The following LDLRAD4 variants were observed in gnomAD, a reference collection of about 807,000 sequenced individuals.
LDLRAD4 encodes the protein low-density lipoprotein receptor class A domain-containing protein 4.
LDLRAD4 carries 5 observed loss-of-function variants against 17.0 expected under a neutral mutation model. The ratio of observed to expected loss-of-function variants is 0.29; its 90% CI spans 0.15 to 0.62. The LOEUF (loss-of-function observed/expected upper bound fraction) is 0.62, where lower values mean the gene tolerates loss of function less well. Ranked by LOEUF, LDLRAD4 falls within the 20% of genes least tolerant of loss-of-function variation. The probability of loss-of-function intolerance (pLI) is 0.84; values close to 1 mark genes in which losing one functional copy is unlikely to be tolerated. For missense variants in LDLRAD4, 340 were observed against 424.7 expected, an observed-to-expected ratio of 0.80 and a Z score of 1.75; for synonymous variants, 168 against 171.8, an observed-to-expected ratio of 0.98 and a Z score of 0.17.
At chr18:13,412,663 C>T (rs188968138) in intron 2 of LDLRAD4, among the ~76,000 whole-genome samples, 210 of 152,240 alleles carry the variant, frequency 1.4e-3, no homozygotes, top group African/African-American at 4.6e-3. Flanking sequence ...TATATAATTA[C>T]GGTGGTGAGA....
At chr18:13,227,385 T>C (rs2041863511) in intron 1 of LDLRAD4, among the ~76,000 whole-genome samples, 1 of 152,228 alleles carries the variant, frequency 6.6e-6, no homozygotes, top group Non-Finnish European at 1.5e-5. Flanking sequence ...TCTCTAGGGC[T>C]GGTCATGATC....
chr18:13,586,144 C>T (rs770777258), intron 3 of LDLRAD4, among the ~76,000 whole-genome samples: 8 of 151,968 alleles, frequency 5.3e-5, no homozygotes, highest in Non-Finnish European at 1.0e-4. Flanking sequence ...CATGGTGGCT[C>T]ACACCTGTAA....
intron 1 of LDLRAD4, among the ~76,000 whole-genome samples, chr18:13,278,657 G>A (rs1026584824): frequency 5.3e-5 from 8 of 152,176 alleles, no homozygotes; most frequent in African/African-American, 1.9e-4. Context: ...TAAAATATAA[G>A]GTCCATTTTT....
intron 4 of LDLRAD4, among the ~76,000 whole-genome samples, chr18:13,633,669 G>T (rs1170948862): frequency 6.6e-6 from 1 of 152,224 alleles, no homozygotes; most frequent in Non-Finnish European, 1.5e-5. Context: ...CTCAGCCTCA[G>T]CTTTGCTCCA....
chr18:13,321,034 G>C (rs2081187687), intron 1 of LDLRAD4, among the ~76,000 whole-genome samples: 1 of 152,314 alleles, frequency 6.6e-6, no homozygotes, highest in East Asian at 1.9e-4. Flanking sequence ...GGAGAGCGTA[G>C]TTGGAGATAC....
upstream of LDLRAD4, among the ~76,000 whole-genome samples, chr18:13,273,823 G>A (rs1484436326): frequency 2.0e-5 from 3 of 152,132 alleles, no homozygotes; most frequent in African/African-American, 7.2e-5. Flanking sequence ...TCCTGTCCTG[G>A]TGCAAGGGAG....
intron 3 of LDLRAD4, among the ~76,000 whole-genome samples, chr18:13,584,740 A>G (rs2094912391): frequency 6.6e-6 from 1 of 152,184 alleles, no homozygotes; most frequent in Non-Finnish European, 1.5e-5. Flanking sequence ...AAGTTGTCTG[A>G]AGATTATTCT....
At chr18:13,307,893 C>T (rs2047005881) in intron 1 of LDLRAD4, among the ~76,000 whole-genome samples, 1 of 152,192 alleles carries the variant, frequency 6.6e-6, no homozygotes, top group African/African-American at 2.4e-5. Flanking sequence ...AAAAGCTATA[C>T]TTGGATTTTT....
chr18:13,602,410 G>A (rs1383897283), intron 3 of LDLRAD4, among the ~76,000 whole-genome samples: 1 of 151,792 alleles, frequency 6.6e-6, no homozygotes, highest in Non-Finnish European at 1.5e-5. Flanking sequence ...TCCCAAAGCA[G>A]TATATTGGTT....
At chr18:13,482,074 AG>A (rs2093102207) in intron 3 of LDLRAD4, among the ~76,000 whole-genome samples, 1 of 152,052 alleles carries the variant, frequency 6.6e-6, no homozygotes, top group African/African-American at 2.4e-5. Flanking sequence ...CGAGGTGGAC[AG>A]TGGGGAGGCA....
chr18:13,600,091 A>G (rs1304093151), intron 3 of LDLRAD4, among the ~76,000 whole-genome samples: 5 of 152,242 alleles, frequency 3.3e-5, no homozygotes, highest in African/African-American at 9.6e-5. Flanking sequence ...AGCTGAAACT[A>G]TAGGCACATA....
intron 3 of LDLRAD4, among the ~76,000 whole-genome samples, chr18:13,529,099 A>G (rs76064501): frequency 0.011 from 1,688 of 152,362 alleles, 31 homozygotes; most frequent in East Asian, 0.069. Context: ...TAGAAAGTAC[A>G]GAGATTAAAG....
At chr18:13,594,977 T>C (rs8094016) in intron 3 of LDLRAD4, among the ~76,000 whole-genome samples, 7,796 of 152,216 alleles carry the variant, frequency 0.051, 532 homozygotes, top group African/African-American at 0.15. Context: ...CATTTGTGCC[T>C]TTCTAGAATT....
At chr18:13,442,412 A>G (rs961455259) in intron 3 of LDLRAD4, among the ~76,000 whole-genome samples, 15 of 152,184 alleles carry the variant, frequency 9.9e-5, no homozygotes, top group Non-Finnish European at 1.3e-4. Context: ...GGATGGCAAG[A>G]GGAGAGGACA....
chr18:13,233,801 A>G (rs910699769), intron 1 of LDLRAD4, among the ~76,000 whole-genome samples: 1 of 151,878 alleles, frequency 6.6e-6, no homozygotes, highest in African/African-American at 2.4e-5. Flanking sequence ...AGGCTCCTAC[A>G]CCTACCTGCC....
intron 3 of LDLRAD4, among the ~76,000 whole-genome samples, chr18:13,439,100 C>T (rs757394105): frequency 7.2e-5 from 11 of 152,168 alleles, no homozygotes; most frequent in Non-Finnish European, 1.5e-4. Flanking sequence ...TTGGGAAGAG[C>T]GTTGGCCGGG....
At chr18:13,507,233 T>C (rs1007176300) in intron 3 of LDLRAD4, among the ~76,000 whole-genome samples, 4 of 152,208 alleles carry the variant, frequency 2.6e-5, no homozygotes, top group Non-Finnish European at 5.9e-5. Context: ...ATAAGTTCTT[T>C]AGTGGTGATT....
At chr18:13,323,675 T>A (rs1342482130) in intron 1 of LDLRAD4, among the ~76,000 whole-genome samples, 1 of 152,196 alleles carries the variant, frequency 6.6e-6, no homozygotes, top group Non-Finnish European at 1.5e-5. Flanking sequence ...ATTCAGCATA[T>A]GGGACTGTGA....
At chr18:13,461,577 A>G (rs111662405) in intron 3 of LDLRAD4, 23 of 152,336 alleles carry the variant, frequency 1.5e-4, no homozygotes, top group African/African-American at 4.3e-4. Flanking sequence ...AGCATGCCCT[A>G]GCAAGCGGCT....
Sources: allele counts gnomAD v4.1 joint callset (sites outside exome capture counted in the v4.1 genomes callset), GRCh38; gene constraint gnomAD v4.1.1; transcripts MANE v1.5; gene names NCBI Gene and HGNC (gene_info 2026-07-23, HGNC 2026-07-21).